GDPGP1: variants seen among roughly 807,000 people sequenced by gnomAD.
GDPGP1 encodes GDP-D-glucose phosphorylase C15orf58.
Under a neutral mutation model 19.2 loss-of-function variants are expected in GDPGP1, and 18 were observed. That is an observed-to-expected ratio of 0.94 (90% CI 0.65 to 1.39). The LOEUF is 1.39. GDPGP1 is among the 40% of genes most tolerant of loss of function. The pLI is 0.00. For synonymous variants in GDPGP1, 219 were observed against 208.9 expected (o/e 1.05, Z -0.42); for missense variants, 449 against 490.5 (o/e 0.92, Z 0.80).
rs1278039524 is a variant in GDPGP1 at position 90,243,651 on chromosome 15, T to TG, written c.*1585_*1586insG. ...ACACCTTGGTGCAGGTTTTTTTTTT[T>TG]TTTTTTTTTTTTTTTTTTTGACACA... On this transcript the variant is annotated 3_prime_UTR_variant, in exon 4 of 4. Transcript: ENST00000329600. The TG allele has an allele frequency of 2.3e-5, 2 of 86,648 alleles. No individual in the cohort carries two copies. Among genetic ancestry groups the TG allele is most frequent in the Non-Finnish European group, 5.6e-5 (2 of 35,990 alleles). The allele number at this position is 86,648 out of a possible 1,614,324, so 5.4% of individuals were successfully genotyped here. A position where few individuals can be genotyped will look rare whatever the true frequency, so the allele number is the denominator to read the frequency against.
At chr15:90,240,821 A>AAAAT (rs375154428) in intron 3 of GDPGP1, 79 bp from the exon 4 acceptor site, 10 of 949,124 alleles carry the variant, frequency 1.1e-5, no homozygotes, top group African/African-American at 1.0e-4. Flanking sequence ...CTCAAAAAAA[A>AAAAT]AAATAAATAA....
intron 2 of GDPGP1, among the ~76,000 whole-genome samples, chr15:90,234,884 A>G (rs1386156841): frequency 6.6e-6 from 1 of 152,226 alleles, no homozygotes; most frequent in Non-Finnish European, 1.5e-5. Flanking sequence ...AACGTATACT[A>G]TTGCAAAAGG....
intron 3 of GDPGP1, 41 bp downstream of exon 3, chr15:90,238,589 A>ATAG (rs1193082877): frequency 1.3e-5 from 2 of 152,128 alleles, no homozygotes; most frequent in African/African-American, 4.8e-5. Context: ...CCAGTGGCAG[A>ATAG]CCCCTCTCCC....
chr15:90,237,807 G>A (rs1962667721), intron 2 of GDPGP1, among the ~76,000 whole-genome samples: 1 of 151,762 alleles, frequency 6.6e-6, no homozygotes. Flanking sequence ...TACTACATTA[G>A]TCAGGCCTGG....
chr15:90,242,267 T>C lies in GDPGP1; in HGVS notation c.*201T>C. On this transcript the variant is annotated 3_prime_UTR_variant, in exon 4 of 4. Transcript: ENST00000329600. ...CACACACCTGGCTTTTTTTTTTTTT[T>C]TTTTTTTTTTTAACGATTAGGTGAT... The C allele has an allele frequency of 4.3e-5, 14 of 329,122 alleles. No homozygotes were observed. In the East Asian group the frequency reaches 1.1e-3, roughly 26 times the overall value. The allele number at this position is 329,122 out of a possible 1,614,324, so 20.4% of individuals were successfully genotyped here. A position where few individuals can be genotyped will look rare whatever the true frequency, so the allele number is the denominator to read the frequency against.
At chr15:90,240,821 A>T (rs12901778) in intron 3 of GDPGP1, 79 bp from the exon 4 acceptor site, 138,033 of 948,450 alleles carry the variant, frequency 0.15, 11,945 homozygotes, top group African/African-American at 0.24. Flanking sequence ...CTCAAAAAAA[A>T]AAATAAATAA....
At chr15:90,237,036 G>A (rs1962649493) in intron 2 of GDPGP1, among the ~76,000 whole-genome samples, 1 of 151,450 alleles carries the variant, frequency 6.6e-6, no homozygotes, top group African/African-American at 2.4e-5. Flanking sequence ...TTAGCTCACT[G>A]CAACCTCTGC....
intron 3 of GDPGP1, among the ~76,000 whole-genome samples, chr15:90,239,055 A>T (rs530476639): frequency 6.6e-6 from 1 of 152,320 alleles, no homozygotes; most frequent in South Asian, 2.1e-4. Flanking sequence ...GTGTGAGTGT[A>T]TAGGATGTTC....
At chr15:90,240,600 G>A (rs1288807663) in intron 3 of GDPGP1, among the ~76,000 whole-genome samples, 1 of 152,152 alleles carries the variant, frequency 6.6e-6, no homozygotes, top group Non-Finnish European at 1.5e-5. Context: ...ATCACCCGAT[G>A]TCAGGAGTTC....
intron 2 of GDPGP1, among the ~76,000 whole-genome samples, chr15:90,235,617 G>A (rs957062640): frequency 2.0e-5 from 3 of 152,010 alleles, no homozygotes; most frequent in African/African-American, 7.3e-5. Context: ...GCCTAGGCTG[G>A]AGTGCAGTGG....
intron 3 of GDPGP1, among the ~76,000 whole-genome samples, chr15:90,239,497 GGCA>G (rs772630014): frequency 1.3e-5 from 2 of 152,122 alleles, no homozygotes; most frequent in Non-Finnish European, 2.9e-5. Context: ...TTCTTCACAT[GGCA>G]GCAGCAGGGA....
chr15:90,241,456 C>T lies in GDPGP1; in HGVS notation c.548C>T (p.Pro183Leu), dbSNP rs142411677. 155 of 1,613,516 alleles carry T rather than the reference C, an allele frequency of 9.6e-5. No homozygotes were observed. The highest frequency in any genetic ancestry group is 1.1e-4 in the Non-Finnish European group (135 of 1,180,036). The change falls in exon 4 of 4, where the codon CCG becomes CTG. Residue 183 changes from proline (P) to leucine (L), a missense_variant. Pro to Leu is a moderately conservative substitution (Grantham distance 98). Coordinates refer to ENST00000329600, the MANE Select transcript of GDPGP1 (RefSeq NM_001013657.3). Reference protein sequence around the residue: ...PARQLPQRLLPGALRAGIEAV... With the variant: ...PARQLPQRLLLGALRAGIEAV... ...CGCCAGCTCCCCCAGCGCCTGCTGC[C>T]GGGTGCACTGAGGGCAGGGATTGAG... is the stretch of plus-strand genomic sequence containing the variant.
At chr15:90,238,031 G>A (rs1051599681) in intron 2 of GDPGP1, among the ~76,000 whole-genome samples, 7 of 152,238 alleles carry the variant, frequency 4.6e-5, no homozygotes, top group East Asian at 3.8e-4. Flanking sequence ...CAGGTGCGGT[G>A]GCTCACGCCT....
At chr15:90,240,211 A>T (rs1267776459) in intron 3 of GDPGP1, among the ~76,000 whole-genome samples, 1 of 150,996 alleles carries the variant, frequency 6.6e-6, no homozygotes, top group Non-Finnish European at 1.5e-5. Context: ...TGACAGAGTG[A>T]TAAATAAATA....
intron 3 of GDPGP1, 83 bp from the exon 4 acceptor site, chr15:90,240,817 A>T (rs1295609235): frequency 4.3e-6 from 4 of 925,590 alleles, no homozygotes; most frequent in African/African-American, 1.9e-5. Context: ...CCATCTCAAA[A>T]AAAAAAATAA....
Position 90,241,922 on chromosome 15 carries a change from C to T in GDPGP1, c.1014C>T (p.His338=), listed in dbSNP as rs779493981. 2.1e-5 allele frequency: 34 copies of T among 1,614,024 alleles called. No individual in the cohort carries two copies. Among genetic ancestry groups the T allele is most frequent in the Non-Finnish European group, 2.8e-5 (33 of 1,180,042 alleles). ...TTGCCCTCTGTGAGCTGGCTGGGCA[C>T]CTCCCTGTCAAAACATCCCAGGACT... ...FNVALCELAG[H]LPVKTSQDFS... is the part of the protein sequence containing the mutation. Residue 338 remains histidine (H), a synonymous_variant, in exon 4 of 4, where the codon CAC becomes CAT. Transcript: ENST00000329600.
At position 90,234,256 on chromosome 15, in the gene GDPGP1, G is replaced by T; in HGVS notation, c.-178G>T. On this transcript the variant is annotated 5_prime_UTR_variant, in exon 1 of 4. Coordinates refer to ENST00000329600, the MANE Select transcript of GDPGP1 (RefSeq NM_001013657.3). ...CCTCGCTGTGGCCCCGGCAGCGGCT[G>T]CGGGGAAAGTCGCGAGGTGCATCCG... The T allele has an allele frequency of 4.7e-6, 1 of 214,388 alleles. No homozygotes were observed. Among genetic ancestry groups the T allele is most frequent in the East Asian group, 9.5e-5 (1 of 10,524 alleles). The allele number at this position is 214,388 out of a possible 1,614,324, so 13.3% of individuals were successfully genotyped here.
intron 2 of GDPGP1, among the ~76,000 whole-genome samples, chr15:90,236,762 T>G (rs938831239): frequency 4.0e-5 from 6 of 151,860 alleles, no homozygotes; most frequent in Non-Finnish European, 4.4e-5. Context: ...GGTCTCGATC[T>G]CCTGATCTCT....
At position 90,241,297 on chromosome 15, in the gene GDPGP1, G is replaced by A. The variant is rs573404545; in HGVS notation, c.389G>A (p.Arg130Gln). The part of the protein sequence containing the change: ...DPVQFNFNKI[R>Q]PGEVLFRLHR... ...GTACAGTTCAACTTCAACAAGATCC[G>A]GCCCGGAGAAGTCCTCTTCCGTTTG... Residue 130 changes from arginine (R) to glutamine (Q), a missense_variant, in exon 4 of 4, where the codon CGG (arginine) becomes CAG (glutamine). Coordinates refer to ENST00000329600, the MANE Select transcript of GDPGP1 (RefSeq NM_001013657.3). 3.1e-4 allele frequency: 500 copies of A among 1,614,162 alleles called. 5 individuals carry two copies. In the South Asian group the frequency reaches 5.1e-3, roughly 17 times the overall value.
Sources: gnomAD v4.1 joint callset for allele counts (sites outside exome capture counted in the v4.1 genomes callset) on GRCh38, gnomAD v4.1.1 for gene constraint, MANE v1.5 for transcripts, NCBI Gene and HGNC (gene_info 2026-07-23, HGNC 2026-07-21) for gene names.